LAMA2: variants seen among roughly 807,000 people sequenced by gnomAD.
LAMA2 encodes laminin subunit alpha 2.
Under a neutral mutation model 364.8 loss-of-function variants are expected in LAMA2, and 269 were observed. The ratio of observed to expected loss-of-function variants is 0.74; its 90% CI spans 0.67 to 0.82. LAMA2 has a LOEUF of 0.82. LAMA2 is among the 40% of genes least tolerant of loss of function. The probability of loss-of-function intolerance (pLI) is 0.00; values close to 1 mark genes in which losing one functional copy is unlikely to be tolerated. For synonymous variants in LAMA2, 1,379 were observed against 1,370.6 expected, an observed-to-expected ratio of 1.01 and a Z score of -0.14; for missense variants, 3,807 against 3,873.2, an observed-to-expected ratio of 0.98 and a Z score of 0.45.
intron 10 of LAMA2, among the ~76,000 whole-genome samples, chr6:129,179,089 A>G (rs1191305421): frequency 6.6e-6 from 1 of 151,968 alleles, no homozygotes; most frequent in African/African-American, 2.4e-5. Flanking sequence ...AAATTGCTTG[A>G]GTTGACCAAG....
Position 129,441,093 on chromosome 6 carries a change from A to AT in LAMA2, c.6268+96dup, listed in dbSNP as rs141120868. On this transcript the variant is annotated intron_variant, in intron 43 of 64. Coordinates refer to ENST00000421865, the MANE Select transcript of LAMA2 (RefSeq NM_000426.4). Reference sequence around the variant, plus strand: ...AAATGCTCGAGTTGGAAAGACCCTCATGGTGGTGTAGTCTGCCTTCCTTCT... The same window carrying AT: ...AAATGCTCGAGTTGGAAAGACCCTCATTGGTGGTGTAGTCTGCCTTCCTTCT... 6,339 of 1,070,914 alleles carry AT rather than the reference A, an allele frequency of 5.9e-3. 267 individuals are homozygous for AT. In the African/African-American group the frequency reaches 0.088, roughly 15 times the overall value. The allele number at this position is 1,070,914 out of a possible 1,614,324, so 66.3% of individuals were successfully genotyped here.
At chr6:129,295,553 A>G (rs1773117096) in intron 20 of LAMA2, among the ~76,000 whole-genome samples, 1 of 152,144 alleles carries the variant, frequency 6.6e-6, no homozygotes, top group South Asian at 2.1e-4. Context: ...GGTAGTATTT[A>G]TTTTGCTACA....
intron 32 of LAMA2, among the ~76,000 whole-genome samples, chr6:129,360,451 G>T (rs1777397651): frequency 6.6e-6 from 1 of 152,106 alleles, no homozygotes; most frequent in South Asian, 2.1e-4. Context: ...CTTTCCCCAT[G>T]TGTTTACCTT....
intron 1 of LAMA2, among the ~76,000 whole-genome samples, chr6:128,954,695 A>C (rs2114577034): frequency 6.6e-6 from 1 of 152,138 alleles, no homozygotes; most frequent in African/African-American, 2.4e-5. Flanking sequence ...ACAACAGATA[A>C]GTAAGCCAGA....
At chr6:128,977,309 G>C (rs1782594538) in intron 1 of LAMA2, among the ~76,000 whole-genome samples, 1 of 146,126 alleles carries the variant, frequency 6.8e-6, no homozygotes, top group Non-Finnish European at 1.5e-5. Flanking sequence ...GCCCAGGCTG[G>C]AGTGCAGTAG....
intron 51 of LAMA2, among the ~76,000 whole-genome samples, chr6:129,471,940 C>G (rs1783832156): frequency 6.6e-6 from 1 of 151,816 alleles, no homozygotes; most frequent in South Asian, 2.1e-4. Context: ...CTATAAACTT[C>G]AAGGGAATTT....
At chr6:129,460,349 A>G (rs1338766651) in intron 49 of LAMA2, 25 bp downstream of exon 49, 1 of 1,609,478 alleles carries the variant, frequency 6.2e-7, no homozygotes, top group Admixed American at 1.7e-5. Context: ...GAACTCTCCC[A>G]GGGTCTGTCC....
At chr6:129,049,680 T>C (rs1202697130) in intron 1 of LAMA2, among the ~76,000 whole-genome samples, 1 of 152,012 alleles carries the variant, frequency 6.6e-6, no homozygotes, top group Non-Finnish European at 1.5e-5. Flanking sequence ...ATATTAGAGA[T>C]AAAAAATTAA....
At chr6:128,956,384 C>T (rs1781149295) in intron 1 of LAMA2, among the ~76,000 whole-genome samples, 1 of 151,772 alleles carries the variant, frequency 6.6e-6, no homozygotes, top group Admixed American at 6.6e-5. Context: ...GTTCAAGAAG[C>T]CGTGAGATAA....
chr6:129,492,441 T>TCCCACCCCAGCCTTTCCTACG lies in LAMA2; in HGVS notation c.8213_8233dup (p.Ala2738_Pro2744dup). On this transcript the variant is annotated inframe_insertion, in exon 58 of 65. Transcript: ENST00000421865. ...AAATAGTTATCCAGCCTGAGCCAGTTCCCACCCCAGCCTTTCCTACGCCCA... is the reference window on the plus strand; with the variant it reads ...AAATAGTTATCCAGCCTGAGCCAGTTCCCACCCCAGCCTTTCCTACGCCCACCCCAGCCTTTCCTACGCCCA... 5 of 1,613,960 alleles carry TCCCACCCCAGCCTTTCCTACG rather than the reference T, an allele frequency of 3.1e-6. No individual in the cohort carries two copies. The highest frequency in any genetic ancestry group is 4.2e-6 in the Non-Finnish European group (5 of 1,179,994).
At chr6:129,447,683 A>C (rs767487746) in intron 45 of LAMA2, among the ~76,000 whole-genome samples, 1 of 152,250 alleles carries the variant, frequency 6.6e-6, no homozygotes, top group Non-Finnish European at 1.5e-5. Context: ...ATATAAATCC[A>C]GAAGCAGTGT....
In LAMA2 at chr6:129,226,308, T is replaced by C. The variant is rs1222178278; in HGVS notation, c.1783-23804T>C. On this transcript the variant is annotated intron_variant, in intron 12 of 64. Transcript: ENST00000421865. ...TATCCAATTTGCCAGTCTGTGTCTTTTAATTAGAGCATTTAGCCCATTTAC... is the reference window on the plus strand; with the variant it reads ...TATCCAATTTGCCAGTCTGTGTCTTCTAATTAGAGCATTTAGCCCATTTAC... Among the ~76,000 whole-genome samples the C allele has an allele frequency of 6.6e-5, 10 of 152,162 alleles. No homozygotes were observed. In the East Asian group the frequency reaches 1.9e-3, roughly 29 times the overall value.
rs201597970 is a variant in LAMA2, at chr6:129,491,979, G to C, written c.7977G>C (p.Lys2659Asn). 9.9e-6 allele frequency: 16 copies of C among 1,614,036 alleles called. No individual in the cohort carries two copies. The East Asian group carries it at 3.6e-4, about 36-fold the overall frequency. ...TTGAACAGCCTATCGAAGTTAAAAAGCTTTTCGTTGGGGGTGCTCCACCTG... is the reference window on the plus strand; with the variant it reads ...TTGAACAGCCTATCGAAGTTAAAAACCTTTTCGTTGGGGGTGCTCCACCTG... The part of the protein sequence containing the change: ...LTVEQPIEVK[K>N]LFVGGAPPEF... The change falls in exon 57 of 65, where the codon AAG (lysine) becomes AAC (asparagine). Residue 2659 changes from lysine (K) to asparagine (N), a missense_variant. By Grantham distance (94) the Lys-to-Asn change is moderately conservative. Around this residue, in one of 3 missense-constraint regions of LAMA2, gnomAD observed 3,333 missense variants for 3,345.7 expected, o/e 1.00. Transcript: ENST00000421865.
At chr6:128,960,464 C>A (rs542019360) in intron 1 of LAMA2, among the ~76,000 whole-genome samples, 4 of 148,030 alleles carry the variant, frequency 2.7e-5, no homozygotes, top group African/African-American at 1.0e-4. Context: ...TTGGCCCCAC[C>A]CCGCCCCCGC....
chr6:129,087,771 G>A (rs891154896), intron 3 of LAMA2, among the ~76,000 whole-genome samples: 28 of 151,820 alleles, frequency 1.8e-4, no homozygotes, highest in Non-Finnish European at 3.5e-4. Flanking sequence ...AAAAGGAGTG[G>A]TAAAGTAGTA....
At chr6:129,286,288 A>G (rs532990631) in intron 18 of LAMA2, among the ~76,000 whole-genome samples, 21 of 151,956 alleles carry the variant, frequency 1.4e-4, no homozygotes, top group African/African-American at 5.1e-4. Context: ...TAGCCTGACC[A>G]TAAGATTCAG....
At chr6:129,243,335 A>G (rs1304698943) in intron 12 of LAMA2, among the ~76,000 whole-genome samples, 1 of 152,110 alleles carries the variant, frequency 6.6e-6, no homozygotes, top group Non-Finnish European at 1.5e-5. Context: ...TTGGCCTCTC[A>G]TTCCTCTCTA....
Position 129,305,132 on chromosome 6 carries a change from CTT to C in LAMA2, c.3174+4264_3174+4265del, listed in dbSNP as rs1562438668. Among the ~76,000 whole-genome samples, 3 of 152,084 alleles carry C rather than the reference CTT, an allele frequency of 2.0e-5. 1 individual carries two copies. Among genetic ancestry groups the C allele is most frequent in the African/African-American group, 7.2e-5 (3 of 41,410 alleles). On this transcript the variant is annotated intron_variant, in intron 22 of 64. Coordinates refer to ENST00000421865, the MANE Select transcript of LAMA2 (RefSeq NM_000426.4). Reference sequence around the variant, plus strand: ...GCATGAACATTTAGGATTGCTATGTCTTTTTGAAAAGTTGGTGCCTTTTGACA... The same window carrying C: ...GCATGAACATTTAGGATTGCTATGTCTTTGAAAAGTTGGTGCCTTTTGACA...
At chr6:129,286,302 C>T (rs1789116235) in intron 18 of LAMA2, among the ~76,000 whole-genome samples, 1 of 151,598 alleles carries the variant, frequency 6.6e-6, no homozygotes, top group Non-Finnish European at 1.5e-5. Context: ...GATTCAGATG[C>T]CCTGTTCTGT....
Sources: gnomAD v4.1 joint callset for allele counts (sites outside exome capture counted in the v4.1 genomes callset) on GRCh38, gnomAD v4.1.1 for gene constraint, gnomAD v4.1.1 regional missense constraint, MANE v1.5 for transcripts, NCBI Gene and HGNC (gene_info 2026-07-23, HGNC 2026-07-21) for gene names.